Variants in WDPCP observed in about 807,000 individuals in gnomAD.
WDPCP encodes the protein WD repeat containing planar cell polarity effector.
A neutral mutation model predicts 93.1 loss-of-function variants in WDPCP; 71 were observed. That is an observed-to-expected ratio of 0.76 (90% CI 0.63 to 0.93). The LOEUF (loss-of-function observed/expected upper bound fraction) is 0.93, where lower values mean the gene tolerates loss of function less well. Ranked by LOEUF, WDPCP falls within the 40% of genes least tolerant of loss-of-function variation. The probability of loss-of-function intolerance (pLI) is 0.00; values close to 1 mark genes in which losing one functional copy is unlikely to be tolerated. For missense variants in WDPCP, 844 were observed against 887.4 expected, an observed-to-expected ratio of 0.95 and a Z score of 0.62; for synonymous variants, 315 against 315.0, an observed-to-expected ratio of 1.00 and a Z score of 0.00.
intron 2 of WDPCP, among the ~76,000 whole-genome samples, chr2:63,672,874 G>C (rs977320221): frequency 6.6e-6 from 1 of 152,054 alleles, no homozygotes; most frequent in Admixed American, 6.6e-5. Flanking sequence ...CTCCTGAGTA[G>C]CTGGAACCAT....
intron 13 of WDPCP, among the ~76,000 whole-genome samples, chr2:63,262,861 C>T (rs1289920782): frequency 6.6e-6 from 1 of 152,160 alleles, no homozygotes; most frequent in Non-Finnish European, 1.5e-5. Context: ...CTCAAGTGAA[C>T]CTTCTGCTTC....
intron 1 of WDPCP, among the ~76,000 whole-genome samples, chr2:63,533,060 C>T (rs1354928130): frequency 6.6e-6 from 1 of 152,112 alleles, no homozygotes; most frequent in Non-Finnish European, 1.5e-5. Context: ...GGTTGCAATC[C>T]TAGTCTCTGA....
chr2:63,684,453 C>A, intron 2 of WDPCP: 1 of 824,888 alleles, frequency 1.2e-6, no homozygotes, highest in Non-Finnish European at 2.1e-6. Flanking sequence ...GACTGCTACC[C>A]CCGCAAAGTG....
At chr2:63,472,771 G>A (rs753269490) in intron 6 of WDPCP, among the ~76,000 whole-genome samples, 7 of 152,090 alleles carry the variant, frequency 4.6e-5, no homozygotes, top group Non-Finnish European at 8.8e-5. Context: ...CATTGGCCAG[G>A]CTGGTCTGGA....
At chr2:63,468,909 A>C (rs963199580) in intron 6 of WDPCP, among the ~76,000 whole-genome samples, 1 of 152,008 alleles carries the variant, frequency 6.6e-6, no homozygotes, top group African/African-American at 2.4e-5. Flanking sequence ...TTTCTCCATC[A>C]AGCTCCTACT....
chr2:63,263,645 A>C (rs532903654), intron 13 of WDPCP, among the ~76,000 whole-genome samples: 1 of 152,298 alleles, frequency 6.6e-6, no homozygotes, highest in South Asian at 2.1e-4. Context: ...TAAGACAACA[A>C]ATGTCTGGGA....
intron 2 of WDPCP, among the ~76,000 whole-genome samples, chr2:63,702,129 G>A (rs569805186): frequency 8.6e-4 from 131 of 152,174 alleles, no homozygotes; most frequent in Middle Eastern, 3.4e-3. Context: ...AGGTTCAAGC[G>A]ATTCTCCTGC....
intron 2 of WDPCP, among the ~76,000 whole-genome samples, chr2:63,675,528 G>T (rs1191543827): frequency 6.6e-6 from 1 of 152,030 alleles, no homozygotes; most frequent in Non-Finnish European, 1.5e-5. Flanking sequence ...GCGGGGTAGG[G>T]GGGTGGCAAG....
chr2:63,338,114 G>A (rs1217773435), intron 12 of WDPCP, among the ~76,000 whole-genome samples: 1 of 152,098 alleles, frequency 6.6e-6, no homozygotes, highest in East Asian at 1.9e-4. Flanking sequence ...ATACCTTCTA[G>A]TAGTTTTATA....
chr2:63,140,115 T>C (rs537820276), intron 17 of WDPCP, among the ~76,000 whole-genome samples: 10 of 152,212 alleles, frequency 6.6e-5, no homozygotes, highest in Non-Finnish European at 1.2e-4. Flanking sequence ...TGAAAATCAG[T>C]TGGCTGTAAG....
At chr2:63,504,687 T>C (rs1701759657) in intron 1 of WDPCP, among the ~76,000 whole-genome samples, 1 of 152,024 alleles carries the variant, frequency 6.6e-6, no homozygotes, top group African/African-American at 2.4e-5. Flanking sequence ...TAGACTTGTA[T>C]AATTAATCCA....
chr2:63,773,735 A>T (rs2103953220), intron 2 of WDPCP, among the ~76,000 whole-genome samples: 1 of 152,204 alleles, frequency 6.6e-6, no homozygotes, highest in South Asian at 2.1e-4. Flanking sequence ...TTTTGAGATA[A>T]ATCAAATTTT....
At chr2:63,567,235 G>T (rs974634458) in intron 1 of WDPCP, among the ~76,000 whole-genome samples, 1 of 152,156 alleles carries the variant, frequency 6.6e-6, no homozygotes, top group East Asian at 1.9e-4. Flanking sequence ...AGGTCAGGGA[G>T]TGGGGCTGAA....
chr2:63,505,361 G>A (rs78800863), intron 1 of WDPCP, among the ~76,000 whole-genome samples: 6,859 of 151,942 alleles, frequency 0.045, 186 homozygotes, highest in South Asian at 0.07. Context: ...AAACCACCAA[G>A]GTCCCCTGAG....
chr2:63,467,776 CAAAAAAAA>C (rs3051717), intron 6 of WDPCP, among the ~76,000 whole-genome samples: 8 of 87,672 alleles, frequency 9.1e-5, no homozygotes, highest in Middle Eastern at 5.6e-3. Context: ...ACTCAGTCTC[CAAAAAAAA>C]AAAAAAAAAA....
chr2:63,120,044 T>C lies in WDPCP; in HGVS notation c.*1962A>G, dbSNP rs1669469339. ...CTGGCAAACATTTTCATTATTATTA[T>C]CATTATGTAGAAAAACATAGATGTA... On this transcript the variant is annotated 3_prime_UTR_variant, in exon 18 of 18. Coordinates refer to ENST00000272321, the MANE Select transcript of WDPCP (RefSeq NM_015910.7). Among the ~76,000 whole-genome samples, 1 of 152,208 alleles carries C rather than the reference T, an allele frequency of 6.6e-6. No homozygotes were observed. The highest frequency in any genetic ancestry group is 2.4e-5 in the African/African-American group (1 of 41,468).
In WDPCP at chr2:63,776,273, C is replaced by T. The variant is rs78087055; in HGVS notation, n.308+37349G>A. 1.2e-3 allele frequency among the ~76,000 whole-genome samples: 177 copies of T among 151,336 alleles called. 7 individuals carry two copies. In the East Asian group the frequency reaches 0.031, roughly 27 times the overall value. On this transcript the variant is annotated intron_variant and non_coding_transcript_variant, in intron 2 of 4. Transcript: ENST00000467687. ...AGATAAAGGAATTGTATCCAGAATA[C>T]ATGAAGAACTATTGAAACTCAATAA...
At chr2:63,182,308 G>A (rs1266036856) in intron 14 of WDPCP, among the ~76,000 whole-genome samples, 1 of 151,882 alleles carries the variant, frequency 6.6e-6, no homozygotes, top group Non-Finnish European at 1.5e-5. Context: ...TTATTATTTT[G>A]CAGTATGTTC....
intron 2 of WDPCP, among the ~76,000 whole-genome samples, chr2:63,662,777 C>T (rs1203522753): frequency 6.6e-6 from 1 of 152,188 alleles, no homozygotes; most frequent in Non-Finnish European, 1.5e-5. Flanking sequence ...TCTCTAATTT[C>T]CTAGGTGTGT....
Sources: gnomAD v4.1 joint callset for allele counts (sites outside exome capture counted in the v4.1 genomes callset) on GRCh38, gnomAD v4.1.1 for gene constraint, MANE v1.5 for transcripts, NCBI Gene and HGNC (gene_info 2026-07-23, HGNC 2026-07-21) for gene names.